Variants in USHBP1 observed in about 807,000 individuals in gnomAD.
The protein encoded by USHBP1 is USH1 protein network component harmonin binding protein 1.
A neutral mutation model predicts 76.2 loss-of-function variants in USHBP1; 67 were observed. The observed-to-expected ratio is 0.88, with a 90% confidence interval of 0.72 to 1.08. The LOEUF is 1.08. Ranked by LOEUF, USHBP1 falls within the 50% of genes least tolerant of loss-of-function variation. The pLI is 0.00. For synonymous variants in USHBP1, 322 were observed against 362.2 expected, an observed-to-expected ratio of 0.89 and a Z score of 1.26; for missense variants, 931 against 915.0, an observed-to-expected ratio of 1.02 and a Z score of -0.23.
intron 4 of USHBP1, 52 bp from the exon 5 acceptor site, chr19:17,260,074 C>A: frequency 1.3e-6 from 2 of 1,574,262 alleles, no homozygotes; most frequent in Non-Finnish European, 1.7e-6. Flanking sequence ...CAACCACCAG[C>A]CCTCTCTCCC....
At chr19:17,259,828 A>G (rs2073666664) in intron 5 of USHBP1, 69 bp downstream of exon 5, 1 of 1,584,216 alleles carries the variant, frequency 6.3e-7, no homozygotes, top group Non-Finnish European at 8.6e-7. Context: ...TCCCATGACA[A>G]AGATTTGAGT....
chr19:17,251,734 C>G, intron 11 of USHBP1, 30 bp from the exon 12 acceptor site: 1 of 1,609,120 alleles, frequency 6.2e-7, no homozygotes, highest in Non-Finnish European at 8.5e-7. Flanking sequence ...AGGGGGCTCA[C>G]AGCCCCAGCC....
rs1399726029 is a variant in USHBP1, at chr19:17,256,538, G to A, written c.1403C>T (p.Thr468Ile). Residue 468 changes from threonine (T) to isoleucine (I), a missense_variant, in exon 9 of 13, where the codon ACC (threonine) becomes ATC (isoleucine). Transcript: ENST00000252597. ...AEAMVQAILG[T>I]QAGPALPRLE... ...TCGGGGAAGAGCTGGGCCAGCCTGG[G>A]TCCCCAGAATGGCCTGCACCATGGC... 5 of 1,614,152 alleles carry A rather than the reference G, an allele frequency of 3.1e-6. No individual in the cohort carries two copies. The South Asian group carries it at 4.4e-5, about 14-fold the overall frequency.
At chr19:17,256,100 G>T (rs2145584231) in intron 9 of USHBP1, among the ~76,000 whole-genome samples, 1 of 152,242 alleles carries the variant, frequency 6.6e-6, no homozygotes, top group Non-Finnish European at 1.5e-5. Flanking sequence ...TACAGCTGTA[G>T]AAATGGCATT....
rs1031824514 is a variant in USHBP1, at chr19:17,250,330, C to T, written c.2007G>A (p.Glu669=). Residue 669 remains glutamate (E), a synonymous_variant, in exon 13 of 13, where the codon GAG becomes GAA. Coordinates refer to ENST00000252597, the MANE Select transcript of USHBP1 (RefSeq NM_031941.4). ...RKLEQQMALM[E]AQQAEEVAVL... The stretch of plus-strand genomic sequence containing the variant: ...CCGCCACCTCCTCGGCCTGCTGAGC[C>T]TCCATGAGTGCCATCTGCTGCTCCA... The T allele has an allele frequency of 6.2e-7, 1 of 1,613,656 alleles. No homozygotes were observed. The highest frequency in any genetic ancestry group is 2.2e-5 in the East Asian group (1 of 44,874).
chr19:17,262,560 G>T lies in USHBP1; in HGVS notation c.634C>A (p.Gln212Lys). 6.2e-7 allele frequency: 1 copy of T among 1,603,480 alleles called. No homozygotes were observed. The change falls in exon 4 of 13, where the codon CAG becomes AAG. Residue 212 changes from glutamine (Q) to lysine (K), a missense_variant. Physicochemically the swap from Gln to Lys is moderately conservative, Grantham distance 53 (BLOSUM62 1). Transcript: ENST00000252597. Reference sequence around the variant, plus strand: ...AGGATGGCCCCACTCACCTCTTTCTGCAGCGTCTCCTTCTCAGCTCGGATG... The same window carrying T: ...AGGATGGCCCCACTCACCTCTTTCTTCAGCGTCTCCTTCTCAGCTCGGATG... ...EAIRAEKETL[Q>K]KEVQELQDSL...
chr19:17,262,555 T>C lies in USHBP1; in HGVS notation c.639A>G (p.Lys213=). The change falls in exon 4 of 13, where the codon AAA becomes AAG. Residue 213 remains lysine (K), a synonymous_variant. Transcript: ENST00000252597. ...GACTCAGGATGGCCCCACTCACCTC[T>C]TTCTGCAGCGTCTCCTTCTCAGCTC... ...AIRAEKETLQ[K]EVQELQDSLL... The C allele has an allele frequency of 1.9e-6, 3 of 1,602,756 alleles. No homozygotes were observed. The South Asian group carries it at 3.3e-5, about 18-fold the overall frequency.
chr19:17,255,106 ACTCTACAAAACTGCAT>A (rs1304990545), intron 10 of USHBP1, among the ~76,000 whole-genome samples: 5 of 151,836 alleles, frequency 3.3e-5, no homozygotes, highest in Non-Finnish European at 7.4e-5. Context: ...GTGAACTGCA[ACTCTACAAAACTGCAT>A]CTCTACAAAA....
chr19:17,263,107 G>A (rs1421286148), intron 3 of USHBP1, 117 bp from the exon 4 acceptor site: 18 of 1,060,798 alleles, frequency 1.7e-5, no homozygotes, highest in Middle Eastern at 2.4e-4. Context: ...GCGCGATCTC[G>A]GCTCACTGCA....
chr19:17,257,152 G>A (rs1021984816), intron 8 of USHBP1, among the ~76,000 whole-genome samples: 5 of 150,438 alleles, frequency 3.3e-5, no homozygotes, highest in Non-Finnish European at 7.4e-5. Context: ...TCCCAAGAAG[G>A]TAGGACTACA....
chr19:17,261,306 GTTTTCTTTCT>G (rs2073684403), intron 4 of USHBP1, among the ~76,000 whole-genome samples: 1 of 145,526 alleles, frequency 6.9e-6, no homozygotes, highest in South Asian at 2.2e-4. Flanking sequence ...ACCACCCTCA[GTTTTCTTTCT>G]TTTTCTTTCT....
intron 8 of USHBP1, among the ~76,000 whole-genome samples, chr19:17,257,644 A>G (rs75934647): frequency 1.5e-5 from 2 of 131,542 alleles, no homozygotes; most frequent in African/African-American, 3.1e-5. Context: ...CTCTGTCTCA[A>G]AAAAAAAAAA....
chr19:17,262,935 C>CT lies in USHBP1; in HGVS notation c.258dup (p.Val87SerfsTer103), dbSNP rs765584692. On this transcript the variant is annotated frameshift_variant, in exon 4 of 13. Coordinates refer to ENST00000252597, the MANE Select transcript of USHBP1 (RefSeq NM_031941.4). LOFTEE classifies it high-confidence loss of function. ...GCTTCCACTGCAGGTTTGTGGGGCA[C>CT]TTCGGGGGCTGAGGCCAGTTCCCTG... 1.8e-5 allele frequency: 28 copies of CT among 1,546,374 alleles called. No homozygotes were observed. The highest frequency in any genetic ancestry group is 1.7e-4 in the Middle Eastern group (1 of 5,752).
At chr19:17,259,236 C>T in intron 7 of USHBP1, 53 bp downstream of exon 7, 2 of 1,547,790 alleles carry the variant, frequency 1.3e-6, no homozygotes, top group Admixed American at 2.1e-5. Flanking sequence ...GGGCCATCCT[C>T]AGAAAGCCCA....
intron 3 of USHBP1, chr19:17,263,230 G>A (rs2073713152): frequency 5.5e-6 from 2 of 361,364 alleles, no homozygotes; most frequent in African/African-American, 2.1e-5. Flanking sequence ...TAGAGACAGG[G>A]TTTCACCATG....
At position 17,255,472 on chromosome 19, in the gene USHBP1, C is replaced by G; in HGVS notation, c.1605G>C (p.Arg535=). Residue 535 remains arginine (R), a synonymous_variant, in exon 10 of 13, where the codon CGG becomes CGC. Transcript: ENST00000252597. ...VLLLEQLRWE[R]AELQAGGANS... Reference sequence around the variant, plus strand: ...TTGCCCCACCAGCCTGGAGCTCTGCCCGTTCCCACCGCAGCTGCTCCAGCA... The same window carrying G: ...TTGCCCCACCAGCCTGGAGCTCTGCGCGTTCCCACCGCAGCTGCTCCAGCA... 6.2e-7 allele frequency: 1 copy of G among 1,614,096 alleles called. No homozygotes were observed. The highest frequency in any genetic ancestry group is 8.5e-7 in the Non-Finnish European group (1 of 1,179,980).
At chr19:17,257,835 G>A (rs2073638849) in intron 8 of USHBP1, among the ~76,000 whole-genome samples, 1 of 152,018 alleles carries the variant, frequency 6.6e-6, no homozygotes, top group Admixed American at 6.6e-5. Context: ...TTTTGGTAGA[G>A]AAGGACTTTC....
Position 17,251,595 on chromosome 19 carries a change from A to C in USHBP1, c.1909T>G (p.Cys637Gly). 1 of 1,613,942 alleles carries C rather than the reference A, an allele frequency of 6.2e-7. No individual in the cohort carries two copies. The highest frequency in any genetic ancestry group is 8.5e-7 in the Non-Finnish European group (1 of 1,179,916). The change falls in exon 12 of 13, where the codon TGC (cysteine) becomes GGC (glycine). Residue 637 changes from cysteine (C) to glycine (G), a missense_variant. Coordinates refer to ENST00000252597, the MANE Select transcript of USHBP1 (RefSeq NM_031941.4). ...GAACAGTCCTACCTGTGGGCTTTGC[A>C]TAAATCCCTGTTCAGCTCGGCACTC... ...SQSAELNRDL[C>G]KAHSALVLAF...
chr19:17,250,284 C>A lies in USHBP1; in HGVS notation c.2053G>T (p.Ala685Ser). The A allele has an allele frequency of 6.2e-7, 1 of 1,613,646 alleles. No individual in the cohort carries two copies. The highest frequency in any genetic ancestry group is 2.2e-5 in the East Asian group (1 of 44,872). The stretch of plus-strand genomic sequence containing the variant: ...AGGGGAGGCCTGGGCTTCCCCAGGG[C>A]CCTTGCAGTGGCTTCGAGCACCGCC... ...EVAVLEATARALGKPRPPLPP... is the reference protein window; with the variant it reads ...EVAVLEATARSLGKPRPPLPP... The change falls in exon 13 of 13, where the codon GCC becomes TCC. Residue 685 changes from alanine (A) to serine (S), a missense_variant. Ala to Ser is a moderately conservative substitution (Grantham distance 99). Transcript: ENST00000252597.
Sources: gnomAD v4.1 joint callset for allele counts (sites outside exome capture counted in the v4.1 genomes callset) on GRCh38, gnomAD v4.1.1 for gene constraint, MANE v1.5 for transcripts, NCBI Gene and HGNC (gene_info 2026-07-23, HGNC 2026-07-21) for gene names.